The following AGBL4 variants were observed in gnomAD, a reference collection of about 807,000 sequenced individuals.
AGBL4 encodes the protein AGBL carboxypeptidase 4.
In AGBL4, 58 loss-of-function variants were observed where a neutral mutation model predicts 66.4. The ratio of observed to expected loss-of-function variants is 0.87; its 90% CI spans 0.71 to 1.09. AGBL4 has a LOEUF of 1.09. Ranked by LOEUF, AGBL4 falls within the 50% of genes least tolerant of loss-of-function variation. The pLI, the probability that AGBL4 is intolerant of heterozygous loss-of-function variation, is 0.00. For synonymous variants in AGBL4, 234 were observed against 222.9 expected (o/e 1.05, Z -0.44); for missense variants, 579 against 631.0 (o/e 0.92, Z 0.88).
At chr1:49,931,602 G>C (rs893523785) in intron 1 of AGBL4, among the ~76,000 whole-genome samples, 4 of 152,052 alleles carry the variant, frequency 2.6e-5, no homozygotes, top group Non-Finnish European at 5.9e-5. Flanking sequence ...CCTCCCATCA[G>C]GTCCCTCCCT....
In AGBL4 at chr1:49,115,633, C is replaced by T. The variant is rs117115442; in HGVS notation, c.378-69833G>A. ...GAGATAGAAAGAGAGAGAAAGAATCCGGTATACTCTATATTTGGGCTGGGA... is the reference window on the plus strand; with the variant it reads ...GAGATAGAAAGAGAGAGAAAGAATCTGGTATACTCTATATTTGGGCTGGGA... On this transcript the variant is annotated intron_variant, in intron 4 of 13. Transcript: ENST00000371839. 1.5e-3 allele frequency among the ~76,000 whole-genome samples: 224 copies of T among 151,816 alleles called. 6 individuals are homozygous for T. The East Asian group carries it at 0.036, about 24-fold the overall frequency.
intron 1 of AGBL4, among the ~76,000 whole-genome samples, chr1:49,869,354 T>C (rs1049896260): frequency 6.6e-6 from 1 of 152,126 alleles, no homozygotes; most frequent in African/African-American, 2.4e-5. Context: ...CAAATGCCCA[T>C]CAATGATAGA....
chr1:48,870,707 C>T (rs1648566335), intron 5 of AGBL4, among the ~76,000 whole-genome samples: 2 of 152,156 alleles, frequency 1.3e-5, no homozygotes, highest in Non-Finnish European at 2.9e-5. Flanking sequence ...CCTACAGCTC[C>T]TACTGTCTGT....
At chr1:48,766,684 C>G (rs1027330003) in intron 6 of AGBL4, among the ~76,000 whole-genome samples, 1 of 152,162 alleles carries the variant, frequency 6.6e-6, no homozygotes, top group Non-Finnish European at 1.5e-5. Context: ...GACCTGGATC[C>G]TGGCTGCCTC....
At chr1:48,821,612 G>A (rs1225688153) in intron 6 of AGBL4, among the ~76,000 whole-genome samples, 1 of 152,076 alleles carries the variant, frequency 6.6e-6, no homozygotes, top group Non-Finnish European at 1.5e-5. Flanking sequence ...AGTGGGAGGA[G>A]GGGGAACGTT....
At chr1:48,659,750 G>C (rs1053883945) in intron 7 of AGBL4, among the ~76,000 whole-genome samples, 1 of 152,200 alleles carries the variant, frequency 6.6e-6, no homozygotes, top group Non-Finnish European at 1.5e-5. Context: ...GTAAGGATTA[G>C]AGGAACCAGG....
In AGBL4 at chr1:49,210,091, A is replaced by G. The variant is rs571019849; in HGVS notation, c.377+35679T>C. The stretch of plus-strand genomic sequence containing the variant: ...GTGACATTCATCCATAGGTTTCCAG[A>G]TAACTCTCTTTCCAGGTCATTGTCC... On this transcript the variant is annotated intron_variant, in intron 4 of 13. Coordinates refer to ENST00000371839, the MANE Select transcript of AGBL4 (RefSeq NM_032785.4). 1.3e-4 allele frequency among the ~76,000 whole-genome samples: 20 copies of G among 152,230 alleles called. No individual in the cohort carries two copies. In the South Asian group the frequency reaches 3.9e-3, roughly 30 times the overall value.
chr1:49,146,660 T>C (rs1278059838), intron 4 of AGBL4, among the ~76,000 whole-genome samples: 1 of 152,210 alleles, frequency 6.6e-6, no homozygotes, highest in African/African-American at 2.4e-5. Context: ...TTTCATCAGA[T>C]ATACTTGTCA....
chr1:49,252,399 A>G (rs928726939), intron 3 of AGBL4, among the ~76,000 whole-genome samples: 3 of 152,210 alleles, frequency 2.0e-5, no homozygotes, highest in African/African-American at 7.2e-5. Flanking sequence ...TCCAAGAGAC[A>G]TGGGATTACG....
At chr1:49,194,842 T>G (rs1289094041) in intron 4 of AGBL4, among the ~76,000 whole-genome samples, 21 of 128,486 alleles carry the variant, frequency 1.6e-4, no homozygotes, top group Non-Finnish European at 6.4e-5. Flanking sequence ...CATTGATCTG[T>G]TTTTTTTTTT....
At chr1:49,935,804 C>G (rs956492845) in intron 1 of AGBL4, among the ~76,000 whole-genome samples, 1 of 152,154 alleles carries the variant, frequency 6.6e-6, no homozygotes, top group Admixed American at 6.5e-5. Flanking sequence ...AACTAACAAA[C>G]AGAAAGGACA....
intron 8 of AGBL4, among the ~76,000 whole-genome samples, chr1:48,643,612 T>A (rs149781648): frequency 6.6e-6 from 1 of 152,374 alleles, no homozygotes; most frequent in East Asian, 1.9e-4. Flanking sequence ...ATACAAGACC[T>A]ATCTCGTAGG....
intron 1 of AGBL4, among the ~76,000 whole-genome samples, chr1:49,931,340 A>G (rs1057222440): frequency 6.6e-6 from 1 of 152,172 alleles, no homozygotes; most frequent in African/African-American, 2.4e-5. Flanking sequence ...TGCTATAAAG[A>G]TACTACCTGA....
At chr1:49,086,417 A>G (rs1363279945) in intron 4 of AGBL4, among the ~76,000 whole-genome samples, 1 of 152,068 alleles carries the variant, frequency 6.6e-6, no homozygotes, top group Admixed American at 6.5e-5. Flanking sequence ...TGCTGCTGGT[A>G]GCCAGGTGGG....
intron 3 of AGBL4, among the ~76,000 whole-genome samples, chr1:49,488,304 T>C (rs1449909636): frequency 1.3e-5 from 2 of 151,716 alleles, no homozygotes; most frequent in Admixed American, 6.6e-5. Flanking sequence ...TTGTATTTTA[T>C]CATGTATGAC....
intron 4 of AGBL4, among the ~76,000 whole-genome samples, chr1:49,197,284 T>C (rs756248589): frequency 1.6e-4 from 24 of 152,330 alleles, no homozygotes; most frequent in Non-Finnish European, 3.2e-4. Flanking sequence ...TGGTTTACCA[T>C]GAGCAGGCTC....
chr1:49,926,598 T>C (rs879308746), intron 1 of AGBL4, among the ~76,000 whole-genome samples: 9 of 152,124 alleles, frequency 5.9e-5, no homozygotes, highest in Non-Finnish European at 1.2e-4. Flanking sequence ...GATGAGACCT[T>C]TCAGACAGAG....
intron 11 of AGBL4, among the ~76,000 whole-genome samples, chr1:48,559,225 C>A (rs1388074459): frequency 6.6e-6 from 1 of 152,154 alleles, no homozygotes; most frequent in Non-Finnish European, 1.5e-5. Context: ...GTATAATCAG[C>A]AGCAATTAAT....
chr1:49,487,732 T>C (rs1647099820), intron 3 of AGBL4, among the ~76,000 whole-genome samples: 1 of 151,926 alleles, frequency 6.6e-6, no homozygotes. Flanking sequence ...AATGAACTAA[T>C]ACAGTGCCAT....
Sources: allele counts gnomAD v4.1 joint callset (sites outside exome capture counted in the v4.1 genomes callset), GRCh38; gene constraint gnomAD v4.1.1; transcripts MANE v1.5; gene names NCBI Gene and HGNC (gene_info 2026-07-23, HGNC 2026-07-21).